FOLR1: variants seen among roughly 807,000 people sequenced by gnomAD.
FOLR1 encodes the protein folate receptor alpha, also known as KB cells FBP.
Under a neutral mutation model 22.8 loss-of-function variants are expected in FOLR1, and 11 were observed. The observed-to-expected ratio is 0.48, with a 90% confidence interval of 0.30 to 0.80. The LOEUF is 0.80. FOLR1 is among the 30% of genes least tolerant of loss of function. The pLI, the probability that FOLR1 is intolerant of heterozygous loss-of-function variation, is 0.06. For missense variants in FOLR1, 273 were observed against 320.3 expected (o/e 0.85, Z 1.13); for synonymous variants, 108 against 116.5 (o/e 0.93, Z 0.47).
intron 1 of FOLR1, among the ~76,000 whole-genome samples, 166 bp downstream of exon 1, chr11:72,192,507 A>G (rs1948170393): frequency 6.6e-6 from 1 of 152,176 alleles, no homozygotes; most frequent in African/African-American, 2.4e-5. Flanking sequence ...TGTCGGTACA[A>G]TGCCAACAGT....
upstream of FOLR1, among the ~76,000 whole-genome samples, chr11:72,189,983 G>A (rs182931367): frequency 7.2e-5 from 11 of 152,320 alleles, no homozygotes; most frequent in African/African-American, 2.2e-4. Flanking sequence ...CTTCAGTCCA[G>A]AGCTGAGTTC....
At chr11:72,193,442 C>T (rs1177181948) in intron 1 of FOLR1, among the ~76,000 whole-genome samples, 3 of 151,302 alleles carry the variant, frequency 2.0e-5, no homozygotes, top group Non-Finnish European at 2.9e-5. Context: ...ACTTGTAATA[C>T]GCATTTCTTT....
upstream of FOLR1, among the ~76,000 whole-genome samples, chr11:72,191,788 A>T (rs180820946): frequency 7.9e-5 from 12 of 152,352 alleles, no homozygotes; most frequent in Admixed American, 2.6e-4. Context: ...TATACACTTG[A>T]TTATTGGGTA....
upstream of FOLR1, among the ~76,000 whole-genome samples, chr11:72,191,500 C>A (rs1233808432): frequency 6.6e-6 from 1 of 151,982 alleles, no homozygotes; most frequent in Admixed American, 6.6e-5. Flanking sequence ...GTAGCTGGGA[C>A]TACAGGCACA....
chr11:72,192,936 G>A (rs1461207441), intron 1 of FOLR1, among the ~76,000 whole-genome samples: 1 of 152,126 alleles, frequency 6.6e-6, no homozygotes, highest in Non-Finnish European at 1.5e-5. Flanking sequence ...TTTGGGCTGT[G>A]TCTCTCGACC....
At position 72,195,943 on chromosome 11, in the gene FOLR1, C is replaced by G; in HGVS notation, c.540C>G (p.Phe180Leu). The change falls in exon 4 of 4, where the codon TTC becomes TTG. Residue 180 changes from phenylalanine (F) to leucine (L), a missense_variant. Physicochemically the swap from Phe to Leu is conservative, Grantham distance 22 (BLOSUM62 0). Coordinates refer to ENST00000393676, the MANE Select transcript of FOLR1 (RefSeq NM_016729.3). ...AVGAACQPFH[F>L]YFPTPTVLCN... is the part of the protein sequence containing the mutation. The stretch of plus-strand genomic sequence containing the variant: ...GAGCTGCCTGCCAACCTTTCCATTT[C>G]TACTTCCCCACACCCACTGTTCTGT... The G allele has an allele frequency of 6.2e-7, 1 of 1,614,222 alleles. No homozygotes were observed. The highest frequency in any genetic ancestry group is 2.2e-5 in the East Asian group (1 of 44,878).
At position 72,195,275 on chromosome 11, in the gene FOLR1, G is replaced by A. The variant is rs138575051; in HGVS notation, c.173G>A (p.Arg58Gln). The A allele has an allele frequency of 3.7e-6, 6 of 1,613,978 alleles. No individual in the cohort carries two copies. The highest frequency in any genetic ancestry group is 2.7e-5 in the African/African-American group (2 of 75,036). Reference sequence around the variant, plus strand: ...CCTCTGTCTTCCCCCATCCAGTGTCGACCCTGGAGGAAGAATGCCTGCTGT... The same window carrying A: ...CCTCTGTCTTCCCCCATCCAGTGTCAACCCTGGAGGAAGAATGCCTGCTGT... ...GPEDKLHEQC[R>Q]PWRKNACCST... Residue 58 changes from arginine to glutamine, a missense_variant, in exon 2 of 4, where the codon CGA (arginine) becomes CAA (glutamine). Physicochemically the swap from Arg to Gln is conservative, Grantham distance 43 (BLOSUM62 1). Coordinates refer to ENST00000393676, the MANE Select transcript of FOLR1 (RefSeq NM_016729.3).
At chr11:72,191,123 A>C (rs1435206182), upstream of FOLR1, among the ~76,000 whole-genome samples, 1 of 152,202 alleles carries the variant, frequency 6.6e-6, no homozygotes, top group Non-Finnish European at 1.5e-5. Flanking sequence ...ACCAAGGAGA[A>C]GCCAGCTCTG....
Position 72,196,225 on chromosome 11 carries a change from C to A in FOLR1, c.*48C>A. On this transcript the variant is annotated 3_prime_UTR_variant, in exon 4 of 4. Transcript: ENST00000393676. ...TGGAAATCCCTGCCCTGTTCAGCCC[C>A]ACAGCTCCCAACTATTTGGTTCCTG... is the stretch of plus-strand genomic sequence containing the variant. The A allele has an allele frequency of 6.2e-7, 1 of 1,607,592 alleles. No individual in the cohort carries two copies. The highest frequency in any genetic ancestry group is 8.5e-7 in the Non-Finnish European group (1 of 1,174,588).
In FOLR1 at chr11:72,196,124, G is replaced by T; in HGVS notation, c.721G>T (p.Ala241Ser). 6.2e-7 allele frequency: 1 copy of T among 1,614,236 alleles called. No individual in the cohort carries two copies. Among genetic ancestry groups the T allele is most frequent in the Non-Finnish European group, 8.5e-7 (1 of 1,180,046 alleles). Residue 241 changes from alanine to serine, a missense_variant, in exon 4 of 4, where the codon GCC becomes TCC. Physicochemically the swap from Ala to Ser is moderately conservative, Grantham distance 99. Transcript: ENST00000393676. Reference sequence around the variant, plus strand: ...CATGAGTGGGGCTGGGCCCTGGGCAGCCTGGCCTTTCCTGCTTAGCCTGGC... The same window carrying T: ...CATGAGTGGGGCTGGGCCCTGGGCATCCTGGCCTTTCCTGCTTAGCCTGGC... ...AAMSGAGPWA[A>S]WPFLLSLALM...
Position 72,195,662 on chromosome 11 carries a change from A to G in FOLR1, c.408A>G (p.Lys136=). Residue 136 remains lysine, a synonymous_variant, in exon 3 of 4, where the codon AAA becomes AAG. Transcript: ENST00000393676. ...GGGTACTGAACGTGCCCCTGTGCAA[A>G]GAGGACTGTGAGCAATGGTGGGAAG... ...KERVLNVPLC[K]EDCEQWWEDC... The G allele has an allele frequency of 6.2e-7, 1 of 1,614,214 alleles. No homozygotes were observed. Among genetic ancestry groups the G allele is most frequent in the Non-Finnish European group, 8.5e-7 (1 of 1,180,046 alleles).
At chr11:72,193,745 C>T (rs1948188992) in intron 1 of FOLR1, among the ~76,000 whole-genome samples, 1 of 150,428 alleles carries the variant, frequency 6.6e-6, no homozygotes, top group African/African-American at 2.4e-5. Context: ...CAGGTGTGAG[C>T]CACTGCGCCC....
At chr11:72,193,768 A>G (rs1005561299) in intron 1 of FOLR1, among the ~76,000 whole-genome samples, 7 of 145,596 alleles carry the variant, frequency 4.8e-5, no homozygotes, top group African/African-American at 1.8e-4. Flanking sequence ...CCTTAAGTGC[A>G]CATTTTATTT....
intron 1 of FOLR1, among the ~76,000 whole-genome samples, chr11:72,192,604 C>T (rs1948171449): frequency 6.6e-6 from 1 of 152,138 alleles, no homozygotes; most frequent in Admixed American, 6.6e-5. Context: ...TGGAGTGACC[C>T]ATCCTGGGGT....
chr11:72,195,821 A>G (rs773041341), intron 3 of FOLR1, 74 bp downstream of exon 3: 2 of 1,614,024 alleles, frequency 1.2e-6, no homozygotes, highest in Non-Finnish European at 1.7e-6. Context: ...GTATGTGACA[A>G]TTTGGAGTTG....
chr11:72,194,338 G>A (rs961028553), intron 1 of FOLR1, among the ~76,000 whole-genome samples: 4 of 152,158 alleles, frequency 2.6e-5, no homozygotes, highest in South Asian at 2.1e-4. Context: ...CAGCTAGTCA[G>A]GGACAAAACA....
chr11:72,193,308 A>G (rs931288702), intron 1 of FOLR1, among the ~76,000 whole-genome samples: 11 of 151,694 alleles, frequency 7.3e-5, no homozygotes, highest in African/African-American at 2.7e-4. Context: ...AGCCTGGGCA[A>G]CAGAGTGAGA....
intron 1 of FOLR1, among the ~76,000 whole-genome samples, chr11:72,193,800 T>C (rs1400155701): frequency 6.9e-6 from 1 of 144,516 alleles, no homozygotes; most frequent in African/African-American, 2.6e-5. Flanking sequence ...TATTTATTTA[T>C]TGAGATGGAG....
At chr11:72,193,682 G>A (rs1285069343) in intron 1 of FOLR1, among the ~76,000 whole-genome samples, 4 of 149,284 alleles carry the variant, frequency 2.7e-5, no homozygotes, top group South Asian at 2.1e-4. Flanking sequence ...GGCTGGTCTC[G>A]AACTCCTCAC....
Sources: gnomAD v4.1 joint callset for allele counts (sites outside exome capture counted in the v4.1 genomes callset) on GRCh38, gnomAD v4.1.1 for gene constraint, MANE v1.5 for transcripts, NCBI Gene and HGNC (gene_info 2026-07-23, HGNC 2026-07-21) for gene names.